The following PCDH9 variants were observed in gnomAD, a reference collection of about 807,000 sequenced individuals.
PCDH9 encodes protocadherin 9, also known as protocadherin-9.
Under a neutral mutation model 70.6 loss-of-function variants are expected in PCDH9, and 24 were observed. The ratio of observed to expected loss-of-function variants is 0.34; its 90% CI spans 0.25 to 0.48. PCDH9 has a LOEUF of 0.48. Among genes scored for constraint, PCDH9 ranks in the 20% least tolerant of loss-of-function variants. The probability of loss-of-function intolerance (pLI) is 0.99; values close to 1 mark genes in which losing one functional copy is unlikely to be tolerated. For synonymous variants in PCDH9, 562 were observed against 558.5 expected (o/e 1.01, Z -0.09); for missense variants, 1,281 against 1,503.6 (o/e 0.85, Z 2.45).
At chr13:66,825,885 A>T (rs370890466) in intron 3 of PCDH9, among the ~76,000 whole-genome samples, 106 of 152,302 alleles carry the variant, frequency 7.0e-4, no homozygotes, top group African/African-American at 2.5e-3. Context: ...GAAGAAGGTT[A>T]TTCCTAATTT....
rs151210011 is a variant in PCDH9, at chr13:66,574,541, C to T, written c.3340+56669G>A. 4.9e-3 allele frequency among the ~76,000 whole-genome samples: 752 copies of T among 152,256 alleles called. 3 individuals carry two copies. Among genetic ancestry groups the T allele is most frequent in the Non-Finnish European group, 6.9e-3 (470 of 68,030 alleles). On this transcript the variant is annotated intron_variant, in intron 4 of 4. Transcript: ENST00000377865. ...TTGTGTCTTCCGTATCCCAATTGTT[C>T]CAGTCTTCTAAATACTTTGCTGCTA... is the stretch of plus-strand genomic sequence containing the variant.
intron 2 of PCDH9, among the ~76,000 whole-genome samples, chr13:67,135,703 A>G (rs928817169): frequency 6.6e-6 from 1 of 152,170 alleles, no homozygotes. Context: ...CAGTCAATTT[A>G]CAAGGAGTCA....
Position 66,421,885 on chromosome 13 carries a change from C to A in PCDH9, c.3341-116857G>T, listed in dbSNP as rs148677595. ...TGGCAAATTGGATAAAGAGTCAAGA[C>A]CCATCGGTGTGCTGTATTCAGGAGA... On this transcript the variant is annotated intron_variant, in intron 4 of 4. Coordinates refer to ENST00000377865, the MANE Select transcript of PCDH9 (RefSeq NM_203487.3). Among the ~76,000 whole-genome samples the A allele has an allele frequency of 1.7e-3, 262 of 152,232 alleles. 7 individuals carry two copies. The East Asian group carries it at 0.046, about 27-fold the overall frequency.
At chr13:67,220,204 A>G (rs1593642770) in intron 2 of PCDH9, 2 of 152,012 alleles carry the variant, frequency 1.3e-5, no homozygotes, top group South Asian at 4.1e-4. Context: ...TTGTGGAAAT[A>G]AGATTACAGA....
intron 2 of PCDH9, among the ~76,000 whole-genome samples, chr13:66,932,681 T>TATATATATATATATACACACAC (rs1313632174): frequency 4.4e-5 from 5 of 114,820 alleles, no homozygotes; most frequent in African/African-American, 1.7e-4. Context: ...TATATATATA[T>TATATATATATATATACACACAC]ACACACACAC....
intron 3 of PCDH9, among the ~76,000 whole-genome samples, chr13:66,666,126 C>T (rs1231911861): frequency 2.0e-5 from 3 of 152,210 alleles, no homozygotes; most frequent in African/African-American, 7.2e-5. Flanking sequence ...GACCAGAAGC[C>T]AGGCTTAGTC....
intron 2 of PCDH9, among the ~76,000 whole-genome samples, chr13:67,035,061 A>T (rs2084983371): frequency 6.6e-6 from 1 of 152,112 alleles, no homozygotes; most frequent in South Asian, 2.1e-4. Flanking sequence ...CTTAAAGAAA[A>T]GGAAAAGAGG....
intron 3 of PCDH9, among the ~76,000 whole-genome samples, chr13:66,638,539 A>C (rs973874821): frequency 2.6e-5 from 4 of 152,224 alleles, no homozygotes; most frequent in African/African-American, 9.6e-5. Flanking sequence ...TCAAAAACAG[A>C]ATAATTGTGA....
In PCDH9 at chr13:66,797,960, G is replaced by GT. The variant is rs1555270026; in HGVS notation, c.3138+105543_3138+105544insA. Among the ~76,000 whole-genome samples the GT allele has an allele frequency of 7.1e-3, 1,039 of 147,224 alleles. 2 individuals are homozygous for GT. Among genetic ancestry groups the GT allele is most frequent in the South Asian group, 0.019 (86 of 4,572 alleles). On this transcript the variant is annotated intron_variant, in intron 3 of 4. Coordinates refer to ENST00000377865, the MANE Select transcript of PCDH9 (RefSeq NM_203487.3). ...TGTGTTCTGTTTTTGTTTCTTGGGG[G>GT]GTGTGTGTGTGTGTGTGTGTGTGTA...
At chr13:66,730,898 T>G (rs1179344262) in intron 3 of PCDH9, among the ~76,000 whole-genome samples, 1 of 127,268 alleles carries the variant, frequency 7.9e-6, no homozygotes, top group Non-Finnish European at 1.7e-5. Context: ...TTTGTTTCTT[T>G]TTTTTTGTGG....
intron 3 of PCDH9, among the ~76,000 whole-genome samples, chr13:66,738,073 C>A (rs2079185679): frequency 6.6e-6 from 1 of 152,216 alleles, no homozygotes; most frequent in African/African-American, 2.4e-5. Context: ...ACAGCAGTAA[C>A]CTCTGCAGAC....
At chr13:67,026,838 C>T (rs989956116) in intron 2 of PCDH9, among the ~76,000 whole-genome samples, 10 of 151,906 alleles carry the variant, frequency 6.6e-5, no homozygotes, top group Non-Finnish European at 1.2e-4. Flanking sequence ...AATAAAATAC[C>T]TAGGAATCCA....
At chr13:66,476,701 A>G (rs111894885) in intron 4 of PCDH9, among the ~76,000 whole-genome samples, 55 of 152,130 alleles carry the variant, frequency 3.6e-4, no homozygotes, top group African/African-American at 1.2e-3. Flanking sequence ...TCTCTCTTCC[A>G]TATTCACCTA....
chr13:66,681,629 A>G (rs1488946775), intron 3 of PCDH9, among the ~76,000 whole-genome samples: 3 of 152,000 alleles, frequency 2.0e-5, no homozygotes, highest in Non-Finnish European at 4.4e-5. Context: ...TCTGACTTCT[A>G]GGCTTTTGAA....
chr13:66,517,049 G>C (rs569264008), intron 4 of PCDH9, among the ~76,000 whole-genome samples: 8 of 152,052 alleles, frequency 5.3e-5, no homozygotes, highest in African/African-American at 1.9e-4. Flanking sequence ...AGAGACCCTA[G>C]GAAGCCAGCA....
At chr13:66,905,869 C>T (rs2082351729) in intron 2 of PCDH9, among the ~76,000 whole-genome samples, 1 of 152,116 alleles carries the variant, frequency 6.6e-6, no homozygotes, top group African/African-American at 2.4e-5. Flanking sequence ...GAAGGATTTG[C>T]CCTGTAAAAG....
At chr13:66,655,290 C>T (rs962024358) in intron 3 of PCDH9, among the ~76,000 whole-genome samples, 1 of 151,856 alleles carries the variant, frequency 6.6e-6, no homozygotes, top group African/African-American at 2.4e-5. Context: ...TAAAATAAGG[C>T]CCAAAAGAGC....
At chr13:66,339,640 G>A (rs868498172) in intron 4 of PCDH9, among the ~76,000 whole-genome samples, 1 of 151,972 alleles carries the variant, frequency 6.6e-6, no homozygotes, top group South Asian at 2.1e-4. Flanking sequence ...TTTGCAATGT[G>A]TATGCAATTG....
At chr13:67,114,609 A>G (rs761787722) in intron 2 of PCDH9, among the ~76,000 whole-genome samples, 3 of 152,204 alleles carry the variant, frequency 2.0e-5, no homozygotes, top group African/African-American at 4.8e-5. Flanking sequence ...TCTATAAGGC[A>G]AAGTACTGAT....
Sources: gnomAD v4.1 joint callset for allele counts (sites outside exome capture counted in the v4.1 genomes callset) on GRCh38, gnomAD v4.1.1 for gene constraint, MANE v1.5 for transcripts, NCBI Gene and HGNC (gene_info 2026-07-23, HGNC 2026-07-21) for gene names.